The following PTK2 variants were observed in gnomAD, a reference collection of about 807,000 sequenced individuals.
PTK2 encodes the protein protein tyrosine kinase 2, also known as focal adhesion kinase 1.
A neutral mutation model predicts 150.1 loss-of-function variants in PTK2; 45 were observed. That is an observed-to-expected ratio of 0.30 (90% CI 0.24 to 0.38). The LOEUF (loss-of-function observed/expected upper bound fraction) is 0.38. PTK2 is among the 10% of genes least tolerant of loss of function. PTK2 has a pLI of 1.00. For synonymous variants in PTK2, 432 were observed against 449.2 expected (o/e 0.96, Z 0.48); for missense variants, 919 against 1,307.3 (o/e 0.70, Z 4.58).
At chr8:140,977,288 A>T (rs914558567) in intron 1 of PTK2, among the ~76,000 whole-genome samples, 2 of 152,054 alleles carry the variant, frequency 1.3e-5, no homozygotes, top group African/African-American at 2.4e-5. Context: ...AGAAACTCAG[A>T]AGGCTGAAGC....
intron 17 of PTK2, among the ~76,000 whole-genome samples, chr8:140,747,992 T>C (rs765949617): frequency 1.3e-5 from 2 of 151,892 alleles, no homozygotes; most frequent in Non-Finnish European, 2.9e-5. Flanking sequence ...GGAGGTGAAA[T>C]GGGATTAAAA....
At chr8:140,888,092 C>T (rs1326467007) in intron 3 of PTK2, among the ~76,000 whole-genome samples, 1 of 152,102 alleles carries the variant, frequency 6.6e-6, no homozygotes, top group African/African-American at 2.4e-5. Context: ...TAATCTAATC[C>T]TTAAATCTAA....
chr8:140,938,405 C>T (rs1025761325), intron 1 of PTK2, among the ~76,000 whole-genome samples: 4 of 152,218 alleles, frequency 2.6e-5, no homozygotes, highest in Non-Finnish European at 5.9e-5. Context: ...AAAAACTCCA[C>T]ACCTTAATCC....
At chr8:140,969,502 A>C (rs999039653) in intron 1 of PTK2, among the ~76,000 whole-genome samples, 25 of 152,362 alleles carry the variant, frequency 1.6e-4, no homozygotes, top group African/African-American at 5.0e-4. Context: ...GTCAATACTT[A>C]GATATTACTT....
chr8:140,702,119 C>T (rs1365904957), intron 25 of PTK2, among the ~76,000 whole-genome samples: 1 of 76,474 alleles, frequency 1.3e-5, no homozygotes, highest in East Asian at 3.9e-4. Context: ...CAGAGTAAGA[C>T]TCTGTCTCCA....
At chr8:140,859,200 G>A (rs2100134637) in intron 5 of PTK2, among the ~76,000 whole-genome samples, 2 of 152,108 alleles carry the variant, frequency 1.3e-5, no homozygotes, top group South Asian at 4.1e-4. Flanking sequence ...ATGTTGTAAA[G>A]CATGACAACT....
intron 14 of PTK2, among the ~76,000 whole-genome samples, chr8:140,788,010 G>A (rs998185264): frequency 6.6e-6 from 1 of 152,102 alleles, no homozygotes; most frequent in African/African-American, 2.4e-5. Flanking sequence ...TACAAACTCC[G>A]TGAGGGCCTG....
chr8:140,971,077 T>C (rs1467858565), intron 1 of PTK2, among the ~76,000 whole-genome samples: 1 of 152,200 alleles, frequency 6.6e-6, no homozygotes, highest in Non-Finnish European at 1.5e-5. Flanking sequence ...AATGCCAACC[T>C]TGAAGTAACT....
intron 26 of PTK2, among the ~76,000 whole-genome samples, chr8:140,694,810 T>C (rs1168172532): frequency 6.6e-6 from 1 of 152,104 alleles, no homozygotes. Flanking sequence ...CTTCACCAAA[T>C]TAAGGACCAT....
chr8:140,917,177 G>A (rs1030657081), intron 2 of PTK2, among the ~76,000 whole-genome samples: 2 of 152,140 alleles, frequency 1.3e-5, no homozygotes, highest in African/African-American at 4.8e-5. Context: ...GATTACTTGA[G>A]GTCAGGAGTT....
chr8:140,773,537 T>A (rs1312890134), intron 14 of PTK2, among the ~76,000 whole-genome samples: 1 of 152,064 alleles, frequency 6.6e-6, no homozygotes, highest in African/African-American at 2.4e-5. Context: ...CATGCACACA[T>A]CAGGGGAGGC....
intron 1 of PTK2, among the ~76,000 whole-genome samples, chr8:140,962,542 T>C (rs2100183688): frequency 6.6e-6 from 1 of 152,114 alleles, no homozygotes. Flanking sequence ...ATCACACCTG[T>C]AATCCCAGCA....
chr8:140,818,261 G>C lies in PTK2; in HGVS notation c.867+16C>G. 1 of 1,603,916 alleles carries C rather than the reference G, an allele frequency of 6.2e-7. No homozygotes were observed. Among genetic ancestry groups the C allele is most frequent in the Non-Finnish European group, 8.5e-7 (1 of 1,170,844 alleles). ...TTGTGTAACGCCAAGTTCCCGAAAG[G>C]TCAGAGCAGACTTACATTGCAGCCC... On this transcript the variant is annotated intron_variant, in intron 10 of 31. Coordinates refer to ENST00000522684, the Ensembl canonical transcript of PTK2.
At chr8:140,866,688 C>T (rs747947222) in intron 4 of PTK2, among the ~76,000 whole-genome samples, 1 of 152,126 alleles carries the variant, frequency 6.6e-6, no homozygotes, top group South Asian at 2.1e-4. Context: ...CTGTTTATTC[C>T]AGCACAGATC....
intron 12 of PTK2, 71 bp downstream of exon 12, chr8:140,800,388 G>C: frequency 8.5e-7 from 1 of 1,177,228 alleles, no homozygotes; most frequent in Non-Finnish European, 1.3e-6. Flanking sequence ...AGGATAACAG[G>C]CTGTTAGGGG....
rs76031370 is a variant in PTK2 at position 140,894,823 on chromosome 8, G to A, written c.-32-4054C>T. Among the ~76,000 whole-genome samples the A allele has an allele frequency of 7.7e-4, 117 of 152,314 alleles. 2 individuals are homozygous for A. The highest frequency in any genetic ancestry group is 3.4e-3 in the Middle Eastern group (1 of 294). On this transcript the variant is annotated intron_variant, in intron 2 of 31. Transcript: ENST00000522684. ...ATGTGGTGTGGGGTGGCACTTCTGA[G>A]TATACATGAATACACCCTTATAACT...
intron 1 of PTK2, among the ~76,000 whole-genome samples, chr8:141,000,087 T>TCACACACACACACACACACACA (rs71310820): frequency 1.2e-4 from 10 of 81,646 alleles, no homozygotes; most frequent in Non-Finnish European, 1.5e-4. Context: ...TGAAACCAAT[T>TCACACACACACACACACACACA]CACACACACA....
intron 2 of PTK2, among the ~76,000 whole-genome samples, chr8:140,924,319 C>T (rs1162701811): frequency 6.6e-6 from 1 of 152,168 alleles, no homozygotes; most frequent in African/African-American, 2.4e-5. Context: ...ATCTGCTCTC[C>T]CTGCTTCATT....
chr8:140,962,187 T>C (rs1185272078), intron 1 of PTK2, among the ~76,000 whole-genome samples: 1 of 133,640 alleles, frequency 7.5e-6, no homozygotes, highest in Non-Finnish European at 1.5e-5. Flanking sequence ...CACCACTGCC[T>C]GGGCAACAGA....
Sources: allele counts gnomAD v4.1 joint callset (sites outside exome capture counted in the v4.1 genomes callset), GRCh38; gene constraint gnomAD v4.1.1; transcripts MANE v1.5; gene names NCBI Gene and HGNC (gene_info 2026-07-23, HGNC 2026-07-21).